TDRD7: variants seen among roughly 807,000 people sequenced by gnomAD.
The protein encoded by TDRD7 is tudor domain containing 7, also known as tudor domain-containing protein 7.
Under a neutral mutation model 109.8 loss-of-function variants are expected in TDRD7, and 47 were observed. The ratio of observed to expected loss-of-function variants is 0.43; its 90% CI spans 0.34 to 0.55. The LOEUF is 0.55. TDRD7 is among the 20% of genes least tolerant of loss of function. The probability of loss-of-function intolerance (pLI) is 0.03; values close to 1 mark genes in which losing one functional copy is unlikely to be tolerated. For missense variants in TDRD7, 1,164 were observed against 1,319.2 expected (o/e 0.88, Z 1.82); for synonymous variants, 424 against 457.3 (o/e 0.93, Z 0.93).
chr9:97,493,565 C>T (rs559427044), intron 16 of TDRD7, among the ~76,000 whole-genome samples: 1 of 152,232 alleles, frequency 6.6e-6, no homozygotes, highest in Admixed American at 6.5e-5. Context: ...TTCGGGCACA[C>T]GTTGTCATTG....
chr9:97,469,877 C>G (rs1211730222), intron 8 of TDRD7, among the ~76,000 whole-genome samples: 1 of 152,140 alleles, frequency 6.6e-6, no homozygotes, highest in African/African-American at 2.4e-5. Context: ...TTTCTGCAAA[C>G]ACAGACCTCT....
rs758890179 is a variant in TDRD7, at chr9:97,473,569, G to A, written c.2022G>A (p.Lys674=). Residue 674 remains lysine, a synonymous_variant, in exon 11 of 17, where the codon AAG becomes AAA. Coordinates refer to ENST00000355295, the MANE Select transcript of TDRD7 (RefSeq NM_014290.3). ...DGTLYCQVPC[K]GLNKLSDLLR... ...CACTCTACTGCCAGGTGCCTTGTAAGGGTCTGAACAAGCTCAGTGACCTTC... is the reference window on the plus strand; with the variant it reads ...CACTCTACTGCCAGGTGCCTTGTAAAGGTCTGAACAAGCTCAGTGACCTTC... The A allele has an allele frequency of 1.2e-6, 2 of 1,613,724 alleles. No individual in the cohort carries two copies. Among genetic ancestry groups the A allele is most frequent in the African/African-American group, 2.7e-5 (2 of 74,896 alleles).
chr9:97,470,412 T>TC, intron 8 of TDRD7, 146 bp from the exon 9 acceptor site: 1 of 713,352 alleles, frequency 1.4e-6, no homozygotes, highest in Non-Finnish European at 2.4e-6. Flanking sequence ...CTGTGGTAAG[T>TC]CAGGGGCACC....
At chr9:97,462,965 C>G (rs1474855284) in intron 7 of TDRD7, among the ~76,000 whole-genome samples, 1 of 152,248 alleles carries the variant, frequency 6.6e-6, no homozygotes, top group African/African-American at 2.4e-5. Context: ...GTTGAGCACC[C>G]AGGGCTACAT....
chr9:97,416,242 A>G (rs1446655193), intron 1 of TDRD7, among the ~76,000 whole-genome samples: 1 of 152,138 alleles, frequency 6.6e-6, no homozygotes, highest in Non-Finnish European at 1.5e-5. Flanking sequence ...AGGCAGGGGG[A>G]GGGAACTTAA....
In TDRD7 at chr9:97,472,408, G is replaced by A. The variant is rs200338871; in HGVS notation, c.1857G>A (p.Leu619=). Residue 619 remains leucine (L), a synonymous_variant, in exon 10 of 17, where the codon CTG becomes CTA. Coordinates refer to ENST00000355295, the MANE Select transcript of TDRD7 (RefSeq NM_014290.3). ...AAGCTGACATTCCACTTGTTGTTCT[G>A]TACGATACCTCAGGAGAAGATGATA... ...LDKADIPLVV[L]YDTSGEDDIN... 6.8e-6 allele frequency: 11 copies of A among 1,613,878 alleles called. No homozygotes were observed. The highest frequency in any genetic ancestry group is 6.7e-5 in the East Asian group (3 of 44,856).
chr9:97,440,045 CT>C (rs577045725), intron 5 of TDRD7, among the ~76,000 whole-genome samples: 59 of 147,952 alleles, frequency 4.0e-4, no homozygotes, highest in Middle Eastern at 3.5e-3. Context: ...AGTTGAAATG[CT>C]TTTTTTTTTA....
At chr9:97,432,328 A>G (rs1828119244) in intron 4 of TDRD7, 90 bp downstream of exon 4, 3 of 1,173,622 alleles carry the variant, frequency 2.6e-6, no homozygotes, top group South Asian at 1.2e-5. Context: ...AACACTTTCT[A>G]TTTTATCTAA....
At chr9:97,449,969 G>A (rs1300884460) in intron 6 of TDRD7, among the ~76,000 whole-genome samples, 1 of 152,186 alleles carries the variant, frequency 6.6e-6, no homozygotes, top group East Asian at 1.9e-4. Flanking sequence ...GAAATCCAGA[G>A]GGGTGTGAGG....
intron 16 of TDRD7, among the ~76,000 whole-genome samples, chr9:97,490,050 G>A (rs925675237): frequency 2.0e-5 from 3 of 151,282 alleles, no homozygotes; most frequent in African/African-American, 7.3e-5. Flanking sequence ...ACACACACAC[G>A]CATACAGAAT....
At chr9:97,491,897 C>G (rs1829314732) in intron 16 of TDRD7, among the ~76,000 whole-genome samples, 1 of 152,220 alleles carries the variant, frequency 6.6e-6, no homozygotes, top group African/African-American at 2.4e-5. Flanking sequence ...GGTAGTGCTT[C>G]TGGAGGTAAA....
rs1412630990 is a variant in TDRD7, at chr9:97,487,177, A to C, written c.2921A>C (p.His974Pro). 6.2e-7 allele frequency: 1 copy of C among 1,614,002 alleles called. No individual in the cohort carries two copies. ...TTAATTTAATGTACATCTAGGTGGCACAGGGTGCTTTTAAAAGGAATCCTG... is the reference window on the plus strand; with the variant it reads ...TTAATTTAATGTACATCTAGGTGGCCCAGGGTGCTTTTAAAAGGAATCCTG... ...VYAAKVENKW[H>P]RVLLKGILTN... The change falls in exon 16 of 17, where the codon CAC (histidine) becomes CCC (proline). Residue 974 changes from histidine to proline, a missense_variant. Coordinates refer to ENST00000355295, the MANE Select transcript of TDRD7 (RefSeq NM_014290.3).
chr9:97,455,469 A>G (rs1828587994), intron 6 of TDRD7, among the ~76,000 whole-genome samples: 1 of 152,212 alleles, frequency 6.6e-6, no homozygotes, highest in Non-Finnish European at 1.5e-5. Context: ...CAAAAAACTT[A>G]TCCACCATGA....
At chr9:97,451,315 G>A (rs1828487106) in intron 6 of TDRD7, among the ~76,000 whole-genome samples, 1 of 152,036 alleles carries the variant, frequency 6.6e-6, no homozygotes, top group African/African-American at 2.4e-5. Flanking sequence ...TTTAGAGACA[G>A]GTTTTGCTCT....
intron 6 of TDRD7, among the ~76,000 whole-genome samples, chr9:97,459,549 C>T (rs1457870191): frequency 6.6e-6 from 1 of 152,158 alleles, no homozygotes; most frequent in Admixed American, 6.5e-5. Context: ...CTGTGCCTCT[C>T]AGAAATGGCA....
Position 97,440,339 on chromosome 9 carries a change from G to A in TDRD7, c.637+1021G>A, listed in dbSNP as rs114762108. Among the ~76,000 whole-genome samples, 331 of 152,312 alleles carry A rather than the reference G, an allele frequency of 2.2e-3. 1 individual carries two copies. Among genetic ancestry groups the A allele is most frequent in the African/African-American group, 7.3e-3 (305 of 41,564 alleles). Reference sequence around the variant, plus strand: ...ACTACTTTAATTTGTTTAACAAAAGGTGCAGGGACTTAGATGGCCCCAGTG... The same window carrying A: ...ACTACTTTAATTTGTTTAACAAAAGATGCAGGGACTTAGATGGCCCCAGTG... On this transcript the variant is annotated intron_variant, in intron 5 of 16. Transcript: ENST00000355295.
At chr9:97,490,559 G>GGA (rs1829290675) in intron 16 of TDRD7, among the ~76,000 whole-genome samples, 1 of 137,818 alleles carries the variant, frequency 7.3e-6, no homozygotes. Context: ...TGGGGGGGGG[G>GGA]GCATTTATCT....
chr9:97,490,909 C>CTTTTTTTTTTTTTTTT (rs1174656625), intron 16 of TDRD7, among the ~76,000 whole-genome samples: 36 of 77,646 alleles, frequency 4.6e-4, no homozygotes, highest in African/African-American at 6.9e-4. Flanking sequence ...CTTTTCTTTT[C>CTTTTTTTTTTTTTTTT]TTTTTTTTTT....
chr9:97,448,439 C>T (rs1034469295), intron 6 of TDRD7, among the ~76,000 whole-genome samples: 3 of 152,174 alleles, frequency 2.0e-5, no homozygotes, highest in African/African-American at 4.8e-5. Context: ...TTCCAGCACT[C>T]GTCAGCTTTA....
Sources: allele counts gnomAD v4.1 joint callset (sites outside exome capture counted in the v4.1 genomes callset), GRCh38; gene constraint gnomAD v4.1.1; transcripts MANE v1.5; gene names NCBI Gene and HGNC (gene_info 2026-07-23, HGNC 2026-07-21).